PRTFDC1: variants seen among roughly 807,000 people sequenced by gnomAD.
The protein encoded by PRTFDC1 is phosphoribosyl transferase domain containing 1, also known as phosphoribosyltransferase domain-containing protein 1.
Under a neutral mutation model 34.6 loss-of-function variants are expected in PRTFDC1, and 38 were observed. The ratio of observed to expected loss-of-function variants is 1.10; its 90% CI spans 0.85 to 1.44. The LOEUF is 1.44. Among genes scored for constraint, PRTFDC1 ranks in the 40% most tolerant of loss-of-function variants. The pLI is 0.00. For synonymous variants in PRTFDC1, 93 were observed against 98.1 expected, an observed-to-expected ratio of 0.95 and a Z score of 0.31; for missense variants, 270 against 283.0, an observed-to-expected ratio of 0.95 and a Z score of 0.33.
intron 1 of PRTFDC1, among the ~76,000 whole-genome samples, chr10:24,945,176 G>GT (rs1441138339): frequency 6.6e-6 from 1 of 152,210 alleles, no homozygotes; most frequent in Non-Finnish European, 1.5e-5. Flanking sequence ...GCATGGGTGT[G>GT]TTCTGTCAGA....
At chr10:24,902,128 A>T (rs570126029) in intron 3 of PRTFDC1, among the ~76,000 whole-genome samples, 44 of 152,332 alleles carry the variant, frequency 2.9e-4, no homozygotes, top group Non-Finnish European at 5.3e-4. Context: ...CTGATGGCTC[A>T]TAGCAATCAA....
chr10:24,933,551 C>T (rs532785394), intron 3 of PRTFDC1, among the ~76,000 whole-genome samples: 11 of 152,050 alleles, frequency 7.2e-5, no homozygotes, highest in African/African-American at 2.7e-4. Flanking sequence ...ATATCATCAC[C>T]TATTAGAACA....
intron 3 of PRTFDC1, among the ~76,000 whole-genome samples, chr10:24,881,827 T>G (rs539973843): frequency 6.6e-6 from 1 of 152,144 alleles, no homozygotes; most frequent in Non-Finnish European, 1.5e-5. Flanking sequence ...GTACAGGAAA[T>G]GCAATTTGGT....
intron 3 of PRTFDC1, among the ~76,000 whole-genome samples, chr10:24,931,177 A>T (rs1332237404): frequency 2.0e-5 from 3 of 152,208 alleles, no homozygotes; most frequent in Non-Finnish European, 4.4e-5. Context: ...ATTAGAAAAT[A>T]GTTTGAATTG....
intron 3 of PRTFDC1, among the ~76,000 whole-genome samples, chr10:24,927,065 G>A (rs745366697): frequency 6.6e-6 from 1 of 152,022 alleles, no homozygotes; most frequent in Non-Finnish European, 1.5e-5. Context: ...TACATAAATG[G>A]GCTTTGGTTT....
intron 3 of PRTFDC1, among the ~76,000 whole-genome samples, chr10:24,920,274 T>C (rs1848765866): frequency 1.3e-5 from 2 of 150,774 alleles, no homozygotes; most frequent in Admixed American, 6.6e-5. Context: ...TATATATATA[T>C]GTGTATATAT....
At chr10:24,887,963 A>G (rs776810423) in intron 3 of PRTFDC1, among the ~76,000 whole-genome samples, 2 of 152,060 alleles carry the variant, frequency 1.3e-5, no homozygotes, top group Non-Finnish European at 2.9e-5. Flanking sequence ...GTCTCACTAT[A>G]TTGCTTAGGC....
chr10:24,930,748 T>C (rs1848959522), intron 3 of PRTFDC1, among the ~76,000 whole-genome samples: 2 of 152,308 alleles, frequency 1.3e-5, no homozygotes, highest in South Asian at 4.1e-4. Context: ...GTAGTACAAA[T>C]ATAATAAGGC....
At position 24,906,343 on chromosome 10, in the gene PRTFDC1, C is replaced by T. The variant is rs534448302; in HGVS notation, c.339+30841G>A. 7.9e-5 allele frequency among the ~76,000 whole-genome samples: 12 copies of T among 152,262 alleles called. No homozygotes were observed. In the East Asian group the frequency reaches 1.7e-3, roughly 22 times the overall value. On this transcript the variant is annotated intron_variant, in intron 3 of 8. Transcript: ENST00000320152. The stretch of plus-strand genomic sequence containing the variant: ...ACTATGGTTCTGATCACACTGCAAG[C>T]GCCAGCTACTCTCTGAGGTCAAGAT...
intron 2 of PRTFDC1, among the ~76,000 whole-genome samples, chr10:24,940,003 T>C (rs897354829): frequency 6.6e-6 from 1 of 152,058 alleles, no homozygotes; most frequent in Non-Finnish European, 1.5e-5. Context: ...GGAGGTCGAT[T>C]ATCCAAAGAG....
At chr10:24,853,730 G>A (rs980862676) in intron 7 of PRTFDC1, among the ~76,000 whole-genome samples, 1 of 152,132 alleles carries the variant, frequency 6.6e-6, no homozygotes, top group Admixed American at 6.6e-5. Context: ...GAAAATGAGA[G>A]CCCAAAGCCT....
intron 5 of PRTFDC1, among the ~76,000 whole-genome samples, chr10:24,858,094 T>A (rs1396880289): frequency 6.6e-6 from 1 of 152,210 alleles, no homozygotes; most frequent in East Asian, 1.9e-4. Context: ...TTCAGTGAGC[T>A]AGTTTCCTCT....
At chr10:24,943,794 C>T (rs909690206) in intron 1 of PRTFDC1, among the ~76,000 whole-genome samples, 9 of 152,014 alleles carry the variant, frequency 5.9e-5, no homozygotes, top group African/African-American at 9.7e-5. Context: ...TCAAGCCATC[C>T]GCCTGCCTTA....
chr10:24,915,287 A>G (rs967967357), intron 3 of PRTFDC1, among the ~76,000 whole-genome samples: 89 of 152,256 alleles, frequency 5.8e-4, no homozygotes, highest in African/African-American at 2.1e-3. Flanking sequence ...TTGCCTTTTC[A>G]AAGACTCCTG....
Position 24,952,430 on chromosome 10 carries a change from C to G in PRTFDC1, c.48+98G>C. 7.2e-7 allele frequency: 1 copy of G among 1,386,984 alleles called. No homozygotes were observed. The highest frequency in any genetic ancestry group is 1.0e-6 in the Non-Finnish European group (1 of 1,001,782). 85.9% of individuals were successfully genotyped at this position (1,386,984 alleles called of 1,614,324 possible). On this transcript the variant is annotated intron_variant, in intron 1 of 8. Coordinates refer to ENST00000320152, the MANE Select transcript of PRTFDC1 (RefSeq NM_020200.7). This position sits in a 1 kb window ranked among gnomAD's most constrained non-coding sequence, Gnocchi z 5.1. ...GGAGGGAGAACAAAGCGGTGGCCCTCTCTCTCCCCCGACGCACGGCAAGCA... is the reference window on the plus strand; with the variant it reads ...GGAGGGAGAACAAAGCGGTGGCCCTGTCTCTCCCCCGACGCACGGCAAGCA...
At chr10:24,922,649 G>A (rs1469316192) in intron 3 of PRTFDC1, among the ~76,000 whole-genome samples, 3 of 152,208 alleles carry the variant, frequency 2.0e-5, no homozygotes, top group East Asian at 1.9e-4. Context: ...GGAACTGTGA[G>A]TCCATTAAAC....
At chr10:24,933,470 T>C (rs1015648466) in intron 3 of PRTFDC1, among the ~76,000 whole-genome samples, 3 of 152,098 alleles carry the variant, frequency 2.0e-5, no homozygotes, top group African/African-American at 7.2e-5. Context: ...GCTATATGAA[T>C]AGCAAACCAG....
At chr10:24,850,574 G>A (rs1847467967) in intron 8 of PRTFDC1, among the ~76,000 whole-genome samples, 1 of 152,188 alleles carries the variant, frequency 6.6e-6, no homozygotes, top group African/African-American at 2.4e-5. Context: ...CAAGGCTGCA[G>A]TGAGCTATGA....
At chr10:24,915,920 C>T (rs1215498507) in intron 3 of PRTFDC1, among the ~76,000 whole-genome samples, 2 of 152,184 alleles carry the variant, frequency 1.3e-5, no homozygotes, top group East Asian at 1.9e-4. Flanking sequence ...TTTAAACAAA[C>T]ATCTTAATCC....
Sources: allele counts gnomAD v4.1 joint callset (sites outside exome capture counted in the v4.1 genomes callset), GRCh38; gene constraint gnomAD v4.1.1; non-coding constraint Gnocchi (gnomAD v3.1); transcripts MANE v1.5; gene names NCBI Gene and HGNC (gene_info 2026-07-23, HGNC 2026-07-21).